NPIPB11: variants seen among roughly 807,000 people sequenced by gnomAD.
The protein encoded by NPIPB11 is nuclear pore complex-interacting protein family member B11.
NPIPB11 carries 17 observed loss-of-function variants against 32.8 expected under a neutral mutation model. The observed-to-expected ratio is 0.52, with a 90% CI of 0.35 to 0.78. The LOEUF (loss-of-function observed/expected upper bound fraction) is 0.78. Ranked by LOEUF, NPIPB11 falls within the 30% of genes least tolerant of loss-of-function variation. The pLI, the probability that NPIPB11 is intolerant of heterozygous loss-of-function variation, is 0.01. For missense variants in NPIPB11, 537 were observed against 1,000.4 expected (o/e 0.54, Z 6.25); for synonymous variants, 209 against 398.4 (o/e 0.52, Z 5.66).
exon 8 of NPIPB11, chr16:29,383,079 T>C (rs1963529036): frequency 6.2e-7 from 1 of 1,605,498 alleles, no homozygotes; most frequent in Non-Finnish European, 8.5e-7. Context: ...TATTATCATC[T>C]GCTGAGGGTG....
In NPIPB11 at chr16:29,397,044, C is replaced by G. The variant is rs970000516; in HGVS notation, c.121-2968G>C. On this transcript the variant is annotated intron_variant, in intron 2 of 7. Transcript: ENST00000524087. The stretch of plus-strand genomic sequence containing the variant: ...ACTAAAAATACAAAAATTAGCCAGG[C>G]GTTGTAATCTGAGCTACTCAGGAGG... Among the ~76,000 whole-genome samples, 30 of 151,134 alleles carry G rather than the reference C, an allele frequency of 2.0e-4. No homozygotes were observed. The East Asian group carries it at 5.7e-3, about 29-fold the overall frequency.
intron 2 of NPIPB11, among the ~76,000 whole-genome samples, chr16:29,394,732 ATTTTTT>A (rs901775371): frequency 6.6e-6 from 1 of 151,220 alleles, no homozygotes; most frequent in Non-Finnish European, 1.5e-5. Context: ...GTGCCCAGCC[ATTTTTT>A]TGTTTTTGTT....
chr16:29,389,752 AC>A (rs1349831992), intron 5 of NPIPB11, among the ~76,000 whole-genome samples, 188 bp downstream of exon 5: 1 of 151,106 alleles, frequency 6.6e-6, no homozygotes, highest in East Asian at 1.9e-4. Context: ...CGAAAAAATT[AC>A]AAACAAGAAT....
At chr16:29,404,633 T>A (rs930951566), upstream of NPIPB11, among the ~76,000 whole-genome samples, 1 of 150,378 alleles carries the variant, frequency 6.6e-6, no homozygotes, top group African/African-American at 2.5e-5. Flanking sequence ...CCACCATAGG[T>A]CCAAGACTGG....
At chr16:29,397,633 G>GC in intron 2 of NPIPB11, 2 of 1,444,720 alleles carry the variant, frequency 1.4e-6, no homozygotes. Context: ...AGCATCCACC[G>GC]CCCCCGCATG....
At chr16:29,389,310 C>G (rs867965002) in intron 5 of NPIPB11, among the ~76,000 whole-genome samples, 28 of 144,662 alleles carry the variant, frequency 1.9e-4, no homozygotes, top group Admixed American at 1.7e-3. Flanking sequence ...TGCAGTGAGC[C>G]AAGACTGCAC....
chr16:29,401,447 C>G (rs948905483), intron 2 of NPIPB11, among the ~76,000 whole-genome samples: 1 of 152,070 alleles, frequency 6.6e-6, no homozygotes, highest in African/African-American at 2.4e-5. Flanking sequence ...TTTCATCATG[C>G]TGGTGATGAT....
chr16:29,390,954 A>ACT (rs1280747458), intron 3 of NPIPB11, among the ~76,000 whole-genome samples: 1 of 125,030 alleles, frequency 8.0e-6, no homozygotes, highest in African/African-American at 3.4e-5. Context: ...CAAAATTGAA[A>ACT]CTGTCTCAAA....
intron 2 of NPIPB11, chr16:29,397,481 G>C: frequency 7.4e-7 from 1 of 1,360,376 alleles, no homozygotes; most frequent in Non-Finnish European, 9.9e-7. Context: ...AAAGTGCTGG[G>C]ATTACAGGCC....
chr16:29,405,904 C>G (rs1964103485), upstream of NPIPB11, among the ~76,000 whole-genome samples: 1 of 152,256 alleles, frequency 6.6e-6, no homozygotes, highest in East Asian at 1.9e-4. Flanking sequence ...CGATTCAATT[C>G]AAGTACCCCT....
upstream of NPIPB11, chr16:29,404,141 AT>A (rs1303195966): frequency 4.2e-6 from 1 of 235,760 alleles, no homozygotes; most frequent in African/African-American, 5.7e-5. Flanking sequence ...AGTGGGATCC[AT>A]TTCACTATTA....
At chr16:29,405,636 T>C (rs1801180342), upstream of NPIPB11, among the ~76,000 whole-genome samples, 1 of 152,114 alleles carries the variant, frequency 6.6e-6, no homozygotes, top group Admixed American at 6.6e-5. Context: ...AGACCTTGCA[T>C]CCAATCAATG....
At chr16:29,394,734 T>G (rs997904094) in intron 2 of NPIPB11, among the ~76,000 whole-genome samples, 12 of 148,040 alleles carry the variant, frequency 8.1e-5, no homozygotes, top group Non-Finnish European at 1.8e-4. Context: ...GCCCAGCCAT[T>G]TTTTTGTTTT....
chr16:29,389,871 G>T, intron 5 of NPIPB11, 70 bp downstream of exon 5: 1 of 1,572,738 alleles, frequency 6.4e-7, no homozygotes, highest in Admixed American at 1.8e-5. Flanking sequence ...TATTCTCAAG[G>T]ACTTTACAGT....
chr16:29,396,414 TAAGA>T (rs1273584947), intron 2 of NPIPB11, among the ~76,000 whole-genome samples: 1 of 150,458 alleles, frequency 6.6e-6, no homozygotes, highest in African/African-American at 2.4e-5. Context: ...TAACCTATGA[TAAGA>T]AAGAGACTGG....
chr16:29,391,137 C>T lies in NPIPB11; in HGVS notation c.250-789G>A, dbSNP rs1420498137. ...CAAAAATTAGCTGAGCATGGTGATGCACGCCTGTAGTCCCAGCTACTCGGG... is the reference window on the plus strand; with the variant it reads ...CAAAAATTAGCTGAGCATGGTGATGTACGCCTGTAGTCCCAGCTACTCGGG... On this transcript the variant is annotated intron_variant, in intron 3 of 7. Transcript: ENST00000524087. Among the ~76,000 whole-genome samples, 13 of 142,728 alleles carry T rather than the reference C, an allele frequency of 9.1e-5. No individual in the cohort carries two copies. In the East Asian group the frequency reaches 2.7e-3, roughly 30 times the overall value. The allele number at this position is 142,728 out of a possible 152,430, so 93.6% of individuals were successfully genotyped here. A position where few individuals can be genotyped will look rare whatever the true frequency, so the allele number is the denominator to read the frequency against.
rs561298816 is a variant in NPIPB11, at chr16:29,392,208, G to C, written c.249+1740C>G. Among the ~76,000 whole-genome samples the C allele has an allele frequency of 2.0e-5, 3 of 152,272 alleles. No individual in the cohort carries two copies. In the East Asian group the frequency reaches 5.8e-4, roughly 29 times the overall value. Reference sequence around the variant, plus strand: ...GGAAAGGTAGCTGGCCCAGTTTGGAGCTAGGAGAAATGTCAAACACATGAA... The same window carrying C: ...GGAAAGGTAGCTGGCCCAGTTTGGACCTAGGAGAAATGTCAAACACATGAA... On this transcript the variant is annotated intron_variant, in intron 3 of 7. Transcript: ENST00000524087.
In NPIPB11 at chr16:29,389,829, C is replaced by T. The variant is rs556073372; in HGVS notation, c.545+112G>A. The T allele has an allele frequency of 6.3e-4, 978 of 1,557,792 alleles. 18 individuals carry two copies. The highest frequency in any genetic ancestry group is 2.3e-4 in the Middle Eastern group (1 of 4,332). ...CAGAAAGGACAAACTCAATTTTGAA[C>T]CTACTGAATTTGCCACAAATATTGT... On this transcript the variant is annotated intron_variant, in intron 5 of 7. Transcript: ENST00000524087.
At chr16:29,389,646 C>A (rs1182572531) in intron 5 of NPIPB11, among the ~76,000 whole-genome samples, 1 of 93,866 alleles carries the variant, frequency 1.1e-5, no homozygotes, top group African/African-American at 4.4e-5. Context: ...GCCTGGGCAA[C>A]AACAGCAAAG....
Sources: gnomAD v4.1 joint callset for allele counts (sites outside exome capture counted in the v4.1 genomes callset) on GRCh38, gnomAD v4.1.1 for gene constraint, MANE v1.5 for transcripts, NCBI Gene and HGNC (gene_info 2026-07-23, HGNC 2026-07-21) for gene names.